Variants in KIAA1217 observed in about 807,000 individuals in gnomAD.
KIAA1217 encodes the protein sickle tail protein homolog.
Under a neutral mutation model 163.9 loss-of-function variants are expected in KIAA1217, and 88 were observed. The observed-to-expected ratio is 0.54, with a 90% CI of 0.45 to 0.64. KIAA1217 has a LOEUF of 0.64. KIAA1217 is among the 30% of genes least tolerant of loss of function. KIAA1217 has a pLI of 0.00. For missense variants in KIAA1217, 2,372 were observed against 2,475.0 expected (o/e 0.96, Z 0.88); for synonymous variants, 903 against 923.1 (o/e 0.98, Z 0.39).
At chr10:24,405,501 C>T (rs1034491199) in intron 3 of KIAA1217, among the ~76,000 whole-genome samples, 1 of 151,982 alleles carries the variant, frequency 6.6e-6, no homozygotes, top group Non-Finnish European at 1.5e-5. Context: ...AATAAAAGAC[C>T]AGAGAGAGTG....
chr10:23,983,520 T>C (rs1192474776), intron 1 of KIAA1217, among the ~76,000 whole-genome samples: 5 of 152,042 alleles, frequency 3.3e-5, no homozygotes, highest in African/African-American at 1.2e-4. Flanking sequence ...CTACACACTT[T>C]TAAACAACCA....
At chr10:24,244,944 CT>C (rs1251462064) in intron 2 of KIAA1217, among the ~76,000 whole-genome samples, 1 of 152,080 alleles carries the variant, frequency 6.6e-6, no homozygotes, top group Non-Finnish European at 1.5e-5. Flanking sequence ...CAGTCTTCAA[CT>C]TCCTGGTTGT....
chr10:24,022,479 GT>G (rs1297001849), intron 2 of KIAA1217, among the ~76,000 whole-genome samples: 6 of 151,744 alleles, frequency 4.0e-5, no homozygotes, highest in African/African-American at 1.4e-4. Context: ...TAACAAAGAT[GT>G]GGGGAAAGAG....
chr10:24,500,019 G>A (rs1399675876), intron 8 of KIAA1217, among the ~76,000 whole-genome samples: 5 of 152,204 alleles, frequency 3.3e-5, no homozygotes, highest in Non-Finnish European at 7.3e-5. Flanking sequence ...GCTGAGTTGT[G>A]TGTGCTGGAG....
chr10:24,415,341 C>T (rs2058153906), intron 3 of KIAA1217, among the ~76,000 whole-genome samples: 1 of 151,974 alleles, frequency 6.6e-6, no homozygotes, highest in Admixed American at 6.6e-5. Context: ...TCTCGAACTC[C>T]TGACCTCAGG....
chr10:23,975,972 T>C (rs775159528), intron 1 of KIAA1217, among the ~76,000 whole-genome samples: 8 of 152,166 alleles, frequency 5.3e-5, no homozygotes, highest in Admixed American at 6.6e-5. Flanking sequence ...CTAGTCTATG[T>C]AGGGACTGCT....
chr10:24,426,201 C>T (rs1219862166), intron 3 of KIAA1217, among the ~76,000 whole-genome samples: 1 of 152,192 alleles, frequency 6.6e-6, no homozygotes, highest in African/African-American at 2.4e-5. Flanking sequence ...CACTTGGCCA[C>T]ATTACAGGAA....
At chr10:23,973,888 T>A (rs1233423447) in intron 1 of KIAA1217, among the ~76,000 whole-genome samples, 2 of 152,038 alleles carry the variant, frequency 1.3e-5, no homozygotes, top group Non-Finnish European at 2.9e-5. Context: ...GAAGACACCT[T>A]CCGACCAGTC....
chr10:24,246,334 T>A (rs565065219), intron 2 of KIAA1217, among the ~76,000 whole-genome samples: 2 of 152,350 alleles, frequency 1.3e-5, no homozygotes, highest in South Asian at 4.1e-4. Context: ...TTTCTCTCCC[T>A]GTTGTGAACA....
At chr10:24,385,464 T>C (rs2053881610) in intron 3 of KIAA1217, among the ~76,000 whole-genome samples, 1 of 152,208 alleles carries the variant, frequency 6.6e-6, no homozygotes. Flanking sequence ...GCAAGGTGTC[T>C]ACTTCTCATT....
intron 2 of KIAA1217, among the ~76,000 whole-genome samples, chr10:24,077,622 A>T (rs1374859483): frequency 6.6e-6 from 1 of 152,168 alleles, no homozygotes; most frequent in African/African-American, 2.4e-5. Flanking sequence ...TGCTATTATG[A>T]ATAGTGCTGC....
rs1201982026 is a variant in KIAA1217 at position 24,543,605 on chromosome 10, C to A, written c.4335C>A (p.Ile1445=). 4 of 1,613,970 alleles carry A rather than the reference C, an allele frequency of 2.5e-6. No individual in the cohort carries two copies. Among genetic ancestry groups the A allele is most frequent in the Non-Finnish European group, 3.4e-6 (4 of 1,180,036 alleles). ...GCCTGGACAAGAAACCAGTGATCATCATTTTCGATGAGCCCATGGACATCC... is the reference window on the plus strand; with the variant it reads ...GCCTGGACAAGAAACCAGTGATCATAATTTTCGATGAGCCCATGGACATCC... The part of the protein sequence containing the change: ...VVCLDKKPVI[I]IFDEPMDIRS... Residue 1445 remains isoleucine (I), a synonymous_variant, in exon 19 of 21, where the codon ATC becomes ATA. Coordinates refer to ENST00000376454, the MANE Select transcript of KIAA1217 (RefSeq NM_019590.5).
intron 2 of KIAA1217, among the ~76,000 whole-genome samples, chr10:24,120,757 C>T (rs1218862572): frequency 6.6e-6 from 1 of 152,182 alleles, no homozygotes; most frequent in African/African-American, 2.4e-5. Flanking sequence ...GGCATCAAGT[C>T]ATCTCTGCAA....
chr10:24,484,241 A>ATATATATATATATTTTTTTTTTTTT (rs1376083298), intron 6 of KIAA1217, among the ~76,000 whole-genome samples: 14 of 75,148 alleles, frequency 1.9e-4, no homozygotes, highest in South Asian at 6.7e-4. Context: ...ATATATATAT[A>ATATATATATATATTTTTTTTTTTTT]TTTTTTTTTT....
rs553738084 is a variant in KIAA1217 at position 24,090,784 on chromosome 10, A to G, written c.-171+83410A>G. 6.0e-4 allele frequency among the ~76,000 whole-genome samples: 91 copies of G among 152,006 alleles called. 1 individual carries two copies. The highest frequency in any genetic ancestry group is 2.1e-3 in the African/African-American group (85 of 41,258). On this transcript the variant is annotated intron_variant, in intron 2 of 18. Coordinates refer to the KIAA1217 transcript ENST00000376462. Reference sequence around the variant, plus strand: ...TGGTATCAATGGTGCTAAGTATTCTAGAATAAATTTCTCAAAAGGATAGCA... The same window carrying G: ...TGGTATCAATGGTGCTAAGTATTCTGGAATAAATTTCTCAAAAGGATAGCA...
At chr10:24,262,393 C>T (rs150265487) in intron 2 of KIAA1217, among the ~76,000 whole-genome samples, 1,721 of 151,900 alleles carry the variant, frequency 0.011, 22 homozygotes, top group Non-Finnish European at 0.016. Context: ...TTTGGGAGGC[C>T]GAGGTGGGTG....
At position 24,108,993 on chromosome 10, in the gene KIAA1217, A is replaced by G. The variant is rs536484783; in HGVS notation, c.-171+101619A>G. ...ATTACAGGCATGTGGCACCACACCC[A>G]GCTGTTTTTTGTATTTTTAGTAGAG... On this transcript the variant is annotated intron_variant, in intron 2 of 18. Transcript: ENST00000376462. 3.3e-5 allele frequency among the ~76,000 whole-genome samples: 5 copies of G among 152,126 alleles called. No individual in the cohort carries two copies. The South Asian group carries it at 8.3e-4, about 25-fold the overall frequency.
chr10:23,977,895 T>G (rs1045287024), intron 1 of KIAA1217, among the ~76,000 whole-genome samples: 2 of 152,134 alleles, frequency 1.3e-5, no homozygotes, highest in Non-Finnish European at 2.9e-5. Flanking sequence ...GTTACTACCT[T>G]TGGGACCTTG....
At chr10:23,762,963 T>A (rs1220164151) in intron 1 of KIAA1217, among the ~76,000 whole-genome samples, 1 of 152,100 alleles carries the variant, frequency 6.6e-6, no homozygotes, top group Non-Finnish European at 1.5e-5. Flanking sequence ...AGCATTCCTA[T>A]ACACCAATAG....
Sources: gnomAD v4.1 joint callset for allele counts (sites outside exome capture counted in the v4.1 genomes callset) on GRCh38, gnomAD v4.1.1 for gene constraint, MANE v1.5 for transcripts, NCBI Gene and HGNC (gene_info 2026-07-23, HGNC 2026-07-21) for gene names.